Variants in ATXN10 observed in about 807,000 individuals in gnomAD.
The protein encoded by ATXN10 is ataxin 10.
Under a neutral mutation model 52.9 loss-of-function variants are expected in ATXN10, and 28 were observed. That is an observed-to-expected ratio of 0.53 (90% CI 0.39 to 0.73). The LOEUF (loss-of-function observed/expected upper bound fraction) is 0.73. ATXN10 is among the 30% of genes least tolerant of loss of function. The pLI is 0.00. For synonymous variants in ATXN10, 226 were observed against 221.5 expected (o/e 1.02, Z -0.18); for missense variants, 565 against 577.0 (o/e 0.98, Z 0.21).
chr22:45,785,542 G>A (rs906306774), intron 9 of ATXN10, among the ~76,000 whole-genome samples: 1 of 152,184 alleles, frequency 6.6e-6, no homozygotes, highest in Non-Finnish European at 1.5e-5. Context: ...CTAGAAGCCA[G>A]GTATTGTGTA....
At chr22:45,776,900 G>A (rs1003518766) in intron 9 of ATXN10, among the ~76,000 whole-genome samples, 7 of 152,020 alleles carry the variant, frequency 4.6e-5, no homozygotes, top group African/African-American at 1.5e-4. Context: ...GATCTGTACC[G>A]TTTTCAGCTT....
In ATXN10 at chr22:45,841,561, G is replaced by T. The variant is rs564412121; in HGVS notation, c.1238-1430G>T. On this transcript the variant is annotated intron_variant, in intron 10 of 11. Transcript: ENST00000252934. This position sits in a 1 kb window ranked among gnomAD's most constrained non-coding sequence, Gnocchi z 5.1. ...GAGAGGACCCTGGGCCAGCTCACCCGGTGTGTATTGGAGGGACTAAGATGG... is the reference window on the plus strand; with the variant it reads ...GAGAGGACCCTGGGCCAGCTCACCCTGTGTGTATTGGAGGGACTAAGATGG... Among the ~76,000 whole-genome samples, 1 of 152,214 alleles carries T rather than the reference G, an allele frequency of 6.6e-6. No homozygotes were observed. The highest frequency in any genetic ancestry group is 2.4e-5 in the African/African-American group (1 of 41,452).
In ATXN10 at chr22:45,795,707, C is replaced by G. The variant is rs542510833; in HGVS notation, c.1174-11252C>G. 6.6e-6 allele frequency among the ~76,000 whole-genome samples: 1 copy of G among 152,130 alleles called. No homozygotes were observed. Among genetic ancestry groups the G allele is most frequent in the South Asian group, 2.1e-4 (1 of 4,824 alleles). ...CATTTATTAGTTCCCCAAATTAATA[C>G]TTTTATAATGTCTTACACCTGTCTT... On this transcript the variant is annotated intron_variant, in intron 9 of 11. Transcript: ENST00000252934. This position sits in a 1 kb window ranked among gnomAD's most constrained non-coding sequence, Gnocchi z 4.6.
chr22:45,722,030 A>G (rs1038423705), intron 6 of ATXN10, among the ~76,000 whole-genome samples: 4 of 152,246 alleles, frequency 2.6e-5, no homozygotes, highest in Non-Finnish European at 2.9e-5. Flanking sequence ...ACAGCCAGTG[A>G]TTGAGAGACA....
rs544887912 is a variant in ATXN10 at position 45,837,558 on chromosome 22, G to A, written c.1238-5433G>A. Among the ~76,000 whole-genome samples the A allele has an allele frequency of 4.4e-4, 67 of 152,310 alleles. No individual in the cohort carries two copies. Among genetic ancestry groups the A allele is most frequent in the African/African-American group, 1.2e-3 (51 of 41,556 alleles). On this transcript the variant is annotated intron_variant, in intron 10 of 11. Transcript: ENST00000252934. This position sits in a 1 kb window ranked among gnomAD's most constrained non-coding sequence, Gnocchi z 5.8. The stretch of plus-strand genomic sequence containing the variant: ...ATTACAGGCGTGAGCCACTATGCCC[G>A]GCCTATTTATTTATTAATTCAACAA...
In ATXN10 at chr22:45,728,020, G is replaced by A. The variant is rs756909230; in HGVS notation, c.729-1405G>A. 3.3e-5 allele frequency among the ~76,000 whole-genome samples: 5 copies of A among 151,168 alleles called. No homozygotes were observed. Among genetic ancestry groups the A allele is most frequent in the Non-Finnish European group, 5.9e-5 (4 of 67,800 alleles). The stretch of plus-strand genomic sequence containing the variant: ...CTTGAAGACAGCAGGTATTTGGTTT[G>A]TGATTTTTTTTTTTAATCCATTCTG... On this transcript the variant is annotated intron_variant, in intron 6 of 11. Coordinates refer to ENST00000252934, the MANE Select transcript of ATXN10 (RefSeq NM_013236.4). This position sits in a 1 kb window ranked among gnomAD's most constrained non-coding sequence, Gnocchi z 4.3.
chr22:45,723,351 T>G (rs988382286), intron 6 of ATXN10, among the ~76,000 whole-genome samples: 3 of 151,860 alleles, frequency 2.0e-5, no homozygotes, highest in Non-Finnish European at 1.5e-5. Context: ...TGATTTTTGG[T>G]CACATGGATG....
At chr22:45,821,424 G>A (rs1928645413) in intron 10 of ATXN10, among the ~76,000 whole-genome samples, 1 of 151,830 alleles carries the variant, frequency 6.6e-6, no homozygotes, top group African/African-American at 2.4e-5. Flanking sequence ...AATCCTAATG[G>A]GTTTTCAAGA....
At chr22:45,812,861 G>A (rs963568392) in intron 10 of ATXN10, among the ~76,000 whole-genome samples, 3 of 152,112 alleles carry the variant, frequency 2.0e-5, no homozygotes, top group Non-Finnish European at 2.9e-5. Context: ...CACTTTTGTC[G>A]GCCACCCTAC....
At position 45,744,768 on chromosome 22, in the gene ATXN10, G is replaced by A. The variant is rs1456637017; in HGVS notation, c.1173+4230G>A. The A allele has an allele frequency of 6.6e-6, 1 of 152,214 alleles. No homozygotes were observed. Among genetic ancestry groups the A allele is most frequent in the Non-Finnish European group, 1.5e-5 (1 of 68,034 alleles). The allele number at this position is 152,214 out of a possible 1,614,324, so 9.4% of individuals were successfully genotyped here. ...GAGCATGGTATCAACTGGAAGGATGGTCATCTTTCTTTGAGATACTTGTCT... is the reference window on the plus strand; with the variant it reads ...GAGCATGGTATCAACTGGAAGGATGATCATCTTTCTTTGAGATACTTGTCT... On this transcript the variant is annotated intron_variant, in intron 9 of 11. Coordinates refer to ENST00000252934, the MANE Select transcript of ATXN10 (RefSeq NM_013236.4). This position sits in a 1 kb window ranked among gnomAD's most constrained non-coding sequence, Gnocchi z 4.9.
chr22:45,697,546 T>C (rs1187116394), intron 3 of ATXN10, among the ~76,000 whole-genome samples: 1 of 152,222 alleles, frequency 6.6e-6, no homozygotes, highest in Admixed American at 6.5e-5. Context: ...ATCTACCTAC[T>C]CTGGATACTT....
In ATXN10 at chr22:45,690,979, G is replaced by C. The variant is rs1923350216; in HGVS notation, c.308+1076G>C. On this transcript the variant is annotated intron_variant, in intron 2 of 11. Coordinates refer to ENST00000252934, the MANE Select transcript of ATXN10 (RefSeq NM_013236.4). The surrounding 1 kb of genome is among the most constrained non-coding windows in gnomAD (Gnocchi z 4.5). ...TTGGGCTGGTCCAGAAGCCACTTGA[G>C]GGACTCCCTTCGGTTAGACACATAT... Among the ~76,000 whole-genome samples the C allele has an allele frequency of 6.6e-6, 1 of 152,150 alleles. No individual in the cohort carries two copies. Among genetic ancestry groups the C allele is most frequent in the African/African-American group, 2.4e-5 (1 of 41,422 alleles).
rs1924426341 is a variant in ATXN10, at chr22:45,715,883, T to G, written c.648-2530T>G. On this transcript the variant is annotated intron_variant, in intron 5 of 11. Coordinates refer to ENST00000252934, the MANE Select transcript of ATXN10 (RefSeq NM_013236.4). The surrounding 1 kb of genome is among the most constrained non-coding windows in gnomAD (Gnocchi z 4.4). ...AGAAAAATTCCAAACTTTTGGAAAT[T>G]AACACATCTGATTGATTTGTCAAAA... 6.6e-6 allele frequency among the ~76,000 whole-genome samples: 1 copy of G among 152,196 alleles called. No homozygotes were observed. Among genetic ancestry groups the G allele is most frequent in the Non-Finnish European group, 1.5e-5 (1 of 68,020 alleles).
At position 45,695,601 on chromosome 22, in the gene ATXN10, C is replaced by G. The variant is rs146799830; in HGVS notation, c.391+2523C>G. On this transcript the variant is annotated intron_variant, in intron 3 of 11. Transcript: ENST00000252934. ...GCCTTCCCGCCGGGTTCAAGCGATT[C>G]TCCTGCCTCAGCCTCCCGAGTAGCT... is the stretch of plus-strand genomic sequence containing the variant. Among the ~76,000 whole-genome samples, 705 of 151,048 alleles carry G rather than the reference C, an allele frequency of 4.7e-3. 9 individuals carry two copies. Among genetic ancestry groups the G allele is most frequent in the African/African-American group, 0.016 (676 of 41,244 alleles).
At chr22:45,822,761 A>G (rs551597360) in intron 10 of ATXN10, among the ~76,000 whole-genome samples, 1 of 151,908 alleles carries the variant, frequency 6.6e-6, no homozygotes, top group Non-Finnish European at 1.5e-5. Flanking sequence ...ACCTCAGGTG[A>G]TCCGTCTGCC....
chr22:45,841,063 G>C lies in ATXN10; in HGVS notation c.1238-1928G>C. Among the ~76,000 whole-genome samples the C allele has an allele frequency of 6.6e-6, 1 of 151,992 alleles. No individual in the cohort carries two copies. The highest frequency in any genetic ancestry group is 1.9e-4 in the East Asian group (1 of 5,180). On this transcript the variant is annotated intron_variant, in intron 10 of 11. Transcript: ENST00000252934. This position sits in a 1 kb window ranked among gnomAD's most constrained non-coding sequence, Gnocchi z 5.1. ...TTGGAAGTGCTTGATACCGGGGCTCGTTATCTTTATTCTCTATACTGGCAC... is the reference window on the plus strand; with the variant it reads ...TTGGAAGTGCTTGATACCGGGGCTCCTTATCTTTATTCTCTATACTGGCAC...
intron 10 of ATXN10, among the ~76,000 whole-genome samples, chr22:45,830,949 G>T (rs1011919187): frequency 1.3e-5 from 2 of 152,196 alleles, no homozygotes; most frequent in Admixed American, 1.3e-4. Context: ...TAGCCAAAAG[G>T]TAGAAGCAAC....
chr22:45,739,101 T>C (rs1322891120), intron 8 of ATXN10, among the ~76,000 whole-genome samples: 1 of 152,172 alleles, frequency 6.6e-6, no homozygotes, highest in African/African-American at 2.4e-5. Flanking sequence ...GTTATGCATA[T>C]AGTAGATGTT....
intron 9 of ATXN10, among the ~76,000 whole-genome samples, chr22:45,798,850 TAAG>T (rs1364955567): frequency 6.6e-6 from 1 of 152,040 alleles, no homozygotes; most frequent in African/African-American, 2.4e-5. Flanking sequence ...CAAATAATAA[TAAG>T]AAAAAATTTA....
Sources: gnomAD v4.1 joint callset for allele counts (sites outside exome capture counted in the v4.1 genomes callset) on GRCh38, gnomAD v4.1.1 for gene constraint, Gnocchi (gnomAD v3.1) non-coding constraint, MANE v1.5 for transcripts, NCBI Gene and HGNC (gene_info 2026-07-23, HGNC 2026-07-21) for gene names.